Variants in TBC1D8 observed in about 807,000 individuals in gnomAD.
The protein encoded by TBC1D8 is BUB2-like protein 1.
Under a neutral mutation model 118.8 loss-of-function variants are expected in TBC1D8, and 65 were observed. The observed-to-expected ratio is 0.55, with a 90% confidence interval of 0.45 to 0.67. TBC1D8 has a LOEUF of 0.67. Ranked by LOEUF, TBC1D8 falls within the 30% of genes least tolerant of loss-of-function variation. The pLI is 0.00. For synonymous variants in TBC1D8, 566 were observed against 595.8 expected, an observed-to-expected ratio of 0.95 and a Z score of 0.73; for missense variants, 1,376 against 1,471.2, an observed-to-expected ratio of 0.94 and a Z score of 1.06.
At chr2:101,050,313 G>T (rs1681981202) in intron 5 of TBC1D8, 88 bp downstream of exon 5, 2 of 1,502,836 alleles carry the variant, frequency 1.3e-6, no homozygotes, top group Non-Finnish European at 1.8e-6. Flanking sequence ...CATAACCAAG[G>T]CTAACAAAAG....
intron 7 of TBC1D8, among the ~76,000 whole-genome samples, chr2:101,038,127 C>T (rs1681143855): frequency 6.6e-6 from 1 of 152,168 alleles, no homozygotes; most frequent in Non-Finnish European, 1.5e-5. Context: ...GCCCCAGCCA[C>T]CCCGGGACCA....
At chr2:101,078,089 C>T (rs536508656) in intron 2 of TBC1D8, among the ~76,000 whole-genome samples, 2 of 152,118 alleles carry the variant, frequency 1.3e-5, no homozygotes, top group African/African-American at 2.4e-5. Context: ...AGATTGTATC[C>T]CCAACCAACG....
At position 101,151,371 on chromosome 2, in the gene TBC1D8, G is replaced by A. The variant is rs1480704486; in HGVS notation, c.-118C>T. The A allele has an allele frequency of 7.0e-6, 7 of 997,996 alleles. No individual in the cohort carries two copies. Among genetic ancestry groups the A allele is most frequent in the African/African-American group, 5.3e-5 (3 of 56,926 alleles). The allele number at this position is 997,996 out of a possible 1,614,324, so 61.8% of individuals were successfully genotyped here. The stretch of plus-strand genomic sequence containing the variant: ...GCGCGGGGACCACAGCCCGGCCGGT[G>A]CCCAGCGCTCTGAGAGCCCGCGGAG... On this transcript the variant is annotated 5_prime_UTR_variant, in exon 1 of 20. Transcript: ENST00000409318.
intron 18 of TBC1D8, 162 bp from the exon 19 acceptor site, chr2:101,011,188 G>C: frequency 2.8e-6 from 2 of 724,718 alleles, no homozygotes; most frequent in Non-Finnish European, 4.5e-6. Flanking sequence ...CCAGTGGGTG[G>C]TAACTGGGGG....
At chr2:101,008,761 A>G (rs759888883) in intron 19 of TBC1D8, among the ~76,000 whole-genome samples, 2 of 152,026 alleles carry the variant, frequency 1.3e-5, no homozygotes, top group Non-Finnish European at 2.9e-5. Context: ...GTGGTAGTCA[A>G]GATCACACCA....
chr2:101,121,359 T>G (rs911982857), intron 1 of TBC1D8, among the ~76,000 whole-genome samples: 2 of 152,188 alleles, frequency 1.3e-5, no homozygotes, highest in Non-Finnish European at 2.9e-5. Flanking sequence ...TCATCACCTC[T>G]GTTTAAGCCT....
At chr2:101,031,690 CA>C (rs908137214) in intron 11 of TBC1D8, among the ~76,000 whole-genome samples, 1 of 152,044 alleles carries the variant, frequency 6.6e-6, no homozygotes, top group Non-Finnish European at 1.5e-5. Flanking sequence ...ACAAGTTACC[CA>C]GAGTCCAGAT....
intron 1 of TBC1D8, among the ~76,000 whole-genome samples, chr2:101,120,676 C>T (rs1458990802): frequency 6.6e-6 from 1 of 152,208 alleles, no homozygotes; most frequent in Non-Finnish European, 1.5e-5. Context: ...GCAAAGATGT[C>T]GATCTCAGGT....
chr2:101,141,664 G>C (rs1283558045), intron 1 of TBC1D8, among the ~76,000 whole-genome samples: 1 of 151,680 alleles, frequency 6.6e-6, no homozygotes, highest in East Asian at 1.9e-4. Flanking sequence ...TAAAACAAAA[G>C]GGAAAAGACT....
chr2:101,069,510 T>C (rs140801451), intron 2 of TBC1D8, among the ~76,000 whole-genome samples: 17,731 of 152,160 alleles, frequency 0.12, 1,233 homozygotes, highest in Non-Finnish European at 0.16. Context: ...TGCTTGAACC[T>C]GGGAGGCGGA....
At chr2:101,030,530 A>G in intron 11 of TBC1D8, among the ~76,000 whole-genome samples, 1 of 152,236 alleles carries the variant, frequency 6.6e-6, no homozygotes, top group East Asian at 1.9e-4. Context: ...AAGGATGTGG[A>G]GCAAGCTGAA....
At chr2:101,116,337 A>G (rs1025490305) in intron 1 of TBC1D8, among the ~76,000 whole-genome samples, 1 of 152,146 alleles carries the variant, frequency 6.6e-6, no homozygotes, top group African/African-American at 2.4e-5. Context: ...TAGAGTCACA[A>G]TCCTCACTCT....
chr2:101,116,665 G>C (rs1292887850), intron 1 of TBC1D8, among the ~76,000 whole-genome samples: 2 of 150,350 alleles, frequency 1.3e-5, no homozygotes, highest in African/African-American at 4.9e-5. Flanking sequence ...TTTTGAGACA[G>C]AGTCTCCCTC....
intron 2 of TBC1D8, among the ~76,000 whole-genome samples, chr2:101,078,048 G>A (rs948125577): frequency 1.3e-5 from 2 of 152,016 alleles, no homozygotes; most frequent in Non-Finnish European, 2.9e-5. Flanking sequence ...AGTGGGCTCA[G>A]CACACACAAA....
chr2:101,009,531 T>C (rs1462481233), intron 19 of TBC1D8, among the ~76,000 whole-genome samples: 1 of 151,848 alleles, frequency 6.6e-6, no homozygotes, highest in Non-Finnish European at 1.5e-5. Context: ...GTTTGAAACA[T>C]CATCTATAGA....
chr2:101,065,144 C>T (rs767993561), intron 2 of TBC1D8, among the ~76,000 whole-genome samples: 12 of 152,212 alleles, frequency 7.9e-5, no homozygotes, highest in South Asian at 4.1e-4. Flanking sequence ...TTGATCCAAG[C>T]TTGTTTTCAA....
chr2:101,055,527 C>T (rs1682370673), intron 3 of TBC1D8, among the ~76,000 whole-genome samples: 1 of 152,152 alleles, frequency 6.6e-6, no homozygotes, highest in Non-Finnish European at 1.5e-5. Flanking sequence ...TTCCCAAGGT[C>T]ATAAATAACC....
At chr2:101,063,942 G>C (rs1682892267) in intron 2 of TBC1D8, among the ~76,000 whole-genome samples, 2 of 152,068 alleles carry the variant, frequency 1.3e-5, no homozygotes, top group Non-Finnish European at 2.9e-5. Context: ...GTAGAGAAGA[G>C]AAAACAAGAA....
Position 101,063,876 on chromosome 2 carries a change from T to C in TBC1D8, c.284-4337A>G, listed in dbSNP as rs187814433. Among the ~76,000 whole-genome samples the C allele has an allele frequency of 9.1e-3, 1,382 of 151,740 alleles. 7 individuals are homozygous for C. Among genetic ancestry groups the C allele is most frequent in the Non-Finnish European group, 0.014 (970 of 67,916 alleles). ...TGAATATATTTCTGTCTGTGGGTCA[T>C]GGCCAAAAAAAAAACTGAAAGCCAC... On this transcript the variant is annotated intron_variant, in intron 2 of 19. Transcript: ENST00000409318.
Sources: gnomAD v4.1 joint callset for allele counts (sites outside exome capture counted in the v4.1 genomes callset) on GRCh38, gnomAD v4.1.1 for gene constraint, MANE v1.5 for transcripts, NCBI Gene and HGNC (gene_info 2026-07-23, HGNC 2026-07-21) for gene names.